NUAK1: variants seen among roughly 807,000 people sequenced by gnomAD.
The protein encoded by NUAK1 is NUAK family SNF1-like kinase 1.
A neutral mutation model predicts 56.9 loss-of-function variants in NUAK1; 26 were observed. That is an observed-to-expected ratio of 0.46 (90% CI 0.33 to 0.63). The LOEUF (loss-of-function observed/expected upper bound fraction) is 0.63. Ranked by LOEUF, NUAK1 falls within the 30% of genes least tolerant of loss-of-function variation. The pLI is 0.02. For missense variants in NUAK1, 727 were observed against 876.1 expected (o/e 0.83, Z 2.15); for synonymous variants, 337 against 336.0 (o/e 1.00, Z -0.03).
intron 4 of NUAK1, among the ~76,000 whole-genome samples, 199 bp downstream of exon 4, chr12:106,083,665 T>C (rs761495179): frequency 2.0e-5 from 3 of 152,138 alleles, no homozygotes; most frequent in African/African-American, 7.2e-5. Context: ...GCCCGGCATA[T>C]AGTAGGAGAT....
intron 4 of NUAK1, among the ~76,000 whole-genome samples, chr12:106,081,519 G>C (rs2032518073): frequency 6.6e-6 from 1 of 152,166 alleles, no homozygotes; most frequent in South Asian, 2.1e-4. Context: ...TGCTTTGTGT[G>C]TGTGCTCTTT....
chr12:106,073,547 G>A (rs553673853), intron 4 of NUAK1, among the ~76,000 whole-genome samples: 2 of 152,186 alleles, frequency 1.3e-5, no homozygotes, highest in South Asian at 4.2e-4. Flanking sequence ...ATCATCATGA[G>A]AATAATAAGA....
In NUAK1 at chr12:106,066,938, T is replaced by C. The variant is rs754610277; in HGVS notation, c.1850A>G (p.Gln617Arg). The change falls in exon 7 of 7, where the codon CAG becomes CGG. Residue 617 changes from glutamine to arginine, a missense_variant. Physicochemically the swap from Gln to Arg is conservative, Grantham distance 43. Transcript: ENST00000261402. ...CAGGTACTGGGGCCGGGGCCGGTTC[T>C]GGAGCCCCTCAAAGTCCTGGATCTG... ...FLQIQDFEGL[Q>R]NRPRPQYLKR... The C allele has an allele frequency of 2.8e-5, 45 of 1,614,226 alleles. No individual in the cohort carries two copies. Among genetic ancestry groups the C allele is most frequent in the East Asian group, 1.3e-4 (6 of 44,884 alleles).
At position 106,066,697 on chromosome 12, in the gene NUAK1, T is replaced by C. The variant is rs796698072; in HGVS notation, c.*105A>G. 10 of 992,538 alleles carry C rather than the reference T, an allele frequency of 1.0e-5. No homozygotes were observed. The African/African-American group carries it at 1.6e-4, about 16-fold the overall frequency. 61.5% of individuals were successfully genotyped at this position (992,538 alleles called of 1,614,324 possible). ...CCAAGTGAGACAGTGCCAATCCTTT[T>C]TCAGTCTGTTGTCACAGCCAGCAAA... On this transcript the variant is annotated 3_prime_UTR_variant, in exon 7 of 7. Transcript: ENST00000261402.
At chr12:106,091,070 T>C (rs1374629505) in intron 2 of NUAK1, among the ~76,000 whole-genome samples, 1 of 152,246 alleles carries the variant, frequency 6.6e-6, no homozygotes, top group Non-Finnish European at 1.5e-5. Context: ...CTCTTGGCCA[T>C]TCTTCTAGCA....
At chr12:106,094,245 T>A (rs538263176) in intron 2 of NUAK1, among the ~76,000 whole-genome samples, 17 of 152,130 alleles carry the variant, frequency 1.1e-4, no homozygotes, top group Non-Finnish European at 2.4e-4. Context: ...CAGCATTGCC[T>A]CCCTAGGCAG....
At chr12:106,129,266 C>T (rs1326268272) in intron 1 of NUAK1, among the ~76,000 whole-genome samples, 3 of 152,206 alleles carry the variant, frequency 2.0e-5, no homozygotes, top group Non-Finnish European at 4.4e-5. Context: ...AGGATGGAGC[C>T]CCAGGGCCTT....
chr12:106,096,877 G>T (rs1176766858), intron 2 of NUAK1, among the ~76,000 whole-genome samples: 1 of 152,114 alleles, frequency 6.6e-6, no homozygotes, highest in Non-Finnish European at 1.5e-5. Context: ...TGGAATTTTT[G>T]GGGGTGAGAC....
chr12:106,119,330 T>C (rs1343580281), intron 1 of NUAK1, among the ~76,000 whole-genome samples: 1 of 152,160 alleles, frequency 6.6e-6, no homozygotes, highest in East Asian at 1.9e-4. Flanking sequence ...CGACCAGCCC[T>C]ATTTACTCCA....
chr12:106,096,058 T>C (rs761308625), intron 2 of NUAK1, among the ~76,000 whole-genome samples: 3 of 152,222 alleles, frequency 2.0e-5, no homozygotes, highest in Non-Finnish European at 4.4e-5. Context: ...TTCTGTGCTC[T>C]GTGAGCCTTC....
rs557057819 is a variant in NUAK1, at chr12:106,085,291, G to C, written c.514-1362C>G. Among the ~76,000 whole-genome samples the C allele has an allele frequency of 3.3e-5, 5 of 152,346 alleles. 1 individual carries two copies. In the South Asian group the frequency reaches 8.3e-4, roughly 25 times the overall value. On this transcript the variant is annotated intron_variant, in intron 3 of 6. Coordinates refer to ENST00000261402, the MANE Select transcript of NUAK1 (RefSeq NM_014840.3). The stretch of plus-strand genomic sequence containing the variant: ...GTGGTGATTTACAATGATACCTCAT[G>C]ATGAAATACAAAATATTATACGATT...
At chr12:106,088,905 C>T (rs544451724) in intron 2 of NUAK1, among the ~76,000 whole-genome samples, 8 of 152,280 alleles carry the variant, frequency 5.3e-5, no homozygotes, top group South Asian at 4.1e-4. Context: ...TTGGCTCCTT[C>T]AAGTCCAGCC....
At position 106,066,920 on chromosome 12, in the gene NUAK1, T is replaced by TGGGGCC. The variant is rs1003021771; in HGVS notation, c.1862_1867dup (p.Arg621_Pro622dup). On this transcript the variant is annotated inframe_insertion, in exon 7 of 7. Coordinates refer to ENST00000261402, the MANE Select transcript of NUAK1 (RefSeq NM_014840.3). Reference sequence around the variant, plus strand: ...CCGGTTCCGGTACCGCTTCAGGTACTGGGGCCGGGGCCGGTTCTGGAGCCC... The same window carrying TGGGGCC: ...CCGGTTCCGGTACCGCTTCAGGTACTGGGGCCGGGGCCGGGGCCGGTTCTGGAGCCC... 3 of 1,613,986 alleles carry TGGGGCC rather than the reference T, an allele frequency of 1.9e-6. No individual in the cohort carries two copies. The African/African-American group carries it at 4.0e-5, about 22-fold the overall frequency.
intron 1 of NUAK1, among the ~76,000 whole-genome samples, chr12:106,115,065 A>C (rs1269694423): frequency 6.6e-6 from 1 of 152,160 alleles, no homozygotes; most frequent in Admixed American, 6.5e-5. Context: ...TTTTCATCCT[A>C]TTATTTCTTA....
chr12:106,115,747 C>T (rs2032910632), intron 1 of NUAK1, among the ~76,000 whole-genome samples: 1 of 152,204 alleles, frequency 6.6e-6, no homozygotes, highest in Non-Finnish European at 1.5e-5. Flanking sequence ...TGTGCTCGGC[C>T]CCAGACGAGC....
intron 1 of NUAK1, among the ~76,000 whole-genome samples, chr12:106,136,040 G>C (rs572094766): frequency 6.6e-6 from 1 of 152,112 alleles, no homozygotes; most frequent in Non-Finnish European, 1.5e-5. Context: ...GGGAGGACGG[G>C]GGGCCAAGGA....
At chr12:106,095,648 C>T (rs2032689869) in intron 2 of NUAK1, among the ~76,000 whole-genome samples, 1 of 152,222 alleles carries the variant, frequency 6.6e-6, no homozygotes. Context: ...CTAAGGAAGA[C>T]ATCAACTCCA....
At chr12:106,121,129 C>T (rs2032969791) in intron 1 of NUAK1, among the ~76,000 whole-genome samples, 1 of 152,206 alleles carries the variant, frequency 6.6e-6, no homozygotes, top group Non-Finnish European at 1.5e-5. Context: ...AAAGAACCCA[C>T]AGCGGGGTCA....
At chr12:106,133,419 C>T (rs542964136) in intron 1 of NUAK1, among the ~76,000 whole-genome samples, 3 of 152,282 alleles carry the variant, frequency 2.0e-5, no homozygotes, top group African/African-American at 7.2e-5. Flanking sequence ...GAACCACACC[C>T]AAATCCAGAG....
Sources: allele counts gnomAD v4.1 joint callset (sites outside exome capture counted in the v4.1 genomes callset), GRCh38; gene constraint gnomAD v4.1.1; transcripts MANE v1.5; gene names NCBI Gene and HGNC (gene_info 2026-07-23, HGNC 2026-07-21).